Variants in MYO9A observed in about 807,000 individuals in gnomAD.
MYO9A encodes the protein myosin IXA.
MYO9A carries 103 observed loss-of-function variants against 293.3 expected under a neutral mutation model. The ratio of observed to expected loss-of-function variants is 0.35; its 90% CI spans 0.30 to 0.41. The LOEUF (loss-of-function observed/expected upper bound fraction) is 0.41, where lower values mean the gene tolerates loss of function less well. Among genes scored for constraint, MYO9A ranks in the 10% least tolerant of loss-of-function variants. The pLI is 1.00. For synonymous variants in MYO9A, 1,001 were observed against 1,035.7 expected (o/e 0.97, Z 0.64); for missense variants, 2,685 against 3,033.0 (o/e 0.89, Z 2.69).
At chr15:71,956,716 A>C (rs1327750357) in intron 14 of MYO9A, among the ~76,000 whole-genome samples, 1 of 149,908 alleles carries the variant, frequency 6.7e-6, no homozygotes, top group Non-Finnish European at 1.5e-5. Flanking sequence ...TGTGTGTAGC[A>C]TATGCATTAG....
Position 72,032,502 on chromosome 15 carries a change from A to T in MYO9A, c.927T>A (p.Thr309=). 1 of 1,599,488 alleles carries T rather than the reference A, an allele frequency of 6.3e-7. No homozygotes were observed. The highest frequency in any genetic ancestry group is 8.5e-7 in the Non-Finnish European group (1 of 1,172,412). ...TAAGTAGCAGTACTTACCCAAGTAC[A>T]GTGCCTGTTTCCTGGTAATTTACTT... is the stretch of plus-strand genomic sequence containing the variant. ...FIQVNYQETG[T]VLGAYVEKYL... Residue 309 remains threonine (T), a synonymous_variant, in exon 3 of 42, where the codon ACT becomes ACA. Coordinates refer to ENST00000356056, the MANE Select transcript of MYO9A (RefSeq NM_006901.4).
rs538566413 is a variant in MYO9A at position 72,092,942 on chromosome 15, C to G, written c.-72+24738G>C. ...ACACACACACACACACACACACACA[C>G]AGAGATTTGAGGCTCTAATTCCCAT... On this transcript the variant is annotated intron_variant, in intron 1 of 41. Transcript: ENST00000356056. Among the ~76,000 whole-genome samples the G allele has an allele frequency of 1.9e-3, 290 of 150,682 alleles. 1 individual carries two copies. Among genetic ancestry groups the G allele is most frequent in the Middle Eastern group, 6.8e-3 (2 of 292 alleles).
At chr15:72,080,199 G>A (rs944842001) in intron 1 of MYO9A, among the ~76,000 whole-genome samples, 1 of 151,804 alleles carries the variant, frequency 6.6e-6, no homozygotes, top group African/African-American at 2.4e-5. Flanking sequence ...AATACAGAAT[G>A]CAACAGTATC....
intron 1 of MYO9A, among the ~76,000 whole-genome samples, chr15:72,084,328 CCATTT>C (rs1334674846): frequency 2.0e-5 from 3 of 151,726 alleles, no homozygotes; most frequent in Non-Finnish European, 4.4e-5. Flanking sequence ...TTTTTGTTTT[CCATTT>C]ATTTGCTTGG....
intron 9 of MYO9A, among the ~76,000 whole-genome samples, chr15:71,998,631 G>C (rs1284626626): frequency 6.9e-6 from 1 of 145,630 alleles, no homozygotes; most frequent in Non-Finnish European, 1.5e-5. Flanking sequence ...ACAATGTGCA[G>C]GTTAGTTACA....
At chr15:71,979,988 A>G (rs930263669) in intron 11 of MYO9A, among the ~76,000 whole-genome samples, 2 of 152,146 alleles carry the variant, frequency 1.3e-5, no homozygotes, top group Non-Finnish European at 2.9e-5. Context: ...TTGTATCTGT[A>G]TACAATAACT....
intron 6 of MYO9A, among the ~76,000 whole-genome samples, chr15:72,012,980 T>C (rs1194083682): frequency 1.3e-5 from 2 of 152,218 alleles, no homozygotes; most frequent in Non-Finnish European, 2.9e-5. Flanking sequence ...AAATGTGTAT[T>C]AATTTCCTTC....
intron 15 of MYO9A, among the ~76,000 whole-genome samples, chr15:71,945,403 TA>T (rs369699290): frequency 1.4e-3 from 210 of 152,208 alleles, no homozygotes; most frequent in African/African-American, 4.4e-3. Context: ...ACAGAAATCG[TA>T]AAAGTGACAT....
chr15:71,976,041 C>A (rs1016290303), intron 12 of MYO9A, among the ~76,000 whole-genome samples: 1 of 152,074 alleles, frequency 6.6e-6, no homozygotes, highest in East Asian at 1.9e-4. Flanking sequence ...TCAAGGAGAA[C>A]CTGGTTGGTC....
rs2076111839 is a variant in MYO9A at position 71,975,334 on chromosome 15, C to T, written c.1844+2837G>A. On this transcript the variant is annotated intron_variant, in intron 12 of 41. Transcript: ENST00000356056. Reference sequence around the variant, plus strand: ...TGTGTGTGTGTGTGTAGGTTTTCGTCCATGGTTCCTGACTTATTAACTACC... The same window carrying T: ...TGTGTGTGTGTGTGTAGGTTTTCGTTCATGGTTCCTGACTTATTAACTACC... Among the ~76,000 whole-genome samples the T allele has an allele frequency of 2.2e-5, 3 of 138,060 alleles. No individual in the cohort carries two copies. The South Asian group carries it at 6.8e-4, about 31-fold the overall frequency. 90.6% of individuals were successfully genotyped at this position (138,060 alleles called of 152,430 possible). A position where few individuals can be genotyped will look rare whatever the true frequency, so the allele number is the denominator to read the frequency against.
At chr15:71,869,597 C>A (rs371033451) in intron 32 of MYO9A, among the ~76,000 whole-genome samples, 3 of 152,192 alleles carry the variant, frequency 2.0e-5, no homozygotes, top group East Asian at 3.9e-4. Flanking sequence ...TTAAGGGATA[C>A]GGTTTATTTG....
At chr15:71,830,550 T>C (rs1025852870) in intron 39 of MYO9A, among the ~76,000 whole-genome samples, 2 of 152,220 alleles carry the variant, frequency 1.3e-5, no homozygotes, top group African/African-American at 2.4e-5. Flanking sequence ...TAAGAACCCA[T>C]TGTGTACTGA....
At chr15:72,011,970 T>C (rs1420963738) in intron 6 of MYO9A, among the ~76,000 whole-genome samples, 2 of 152,236 alleles carry the variant, frequency 1.3e-5, no homozygotes, top group East Asian at 3.8e-4. Context: ...AATATTGAAT[T>C]GAATGAAACA....
At chr15:72,081,669 G>GA (rs71438546) in intron 1 of MYO9A, among the ~76,000 whole-genome samples, 2,071 of 152,238 alleles carry the variant, frequency 0.014, 23 homozygotes, top group East Asian at 0.025. Context: ...GGTTTTTACA[G>GA]TTTTAGGTTT....
intron 9 of MYO9A, 46 bp downstream of exon 9, chr15:71,999,805 C>T: frequency 6.6e-7 from 1 of 1,514,118 alleles, no homozygotes; most frequent in Non-Finnish European, 9.0e-7. Context: ...ACCTAAACTT[C>T]TAACAATGTC....
chr15:71,866,412 C>T (rs1028378521), intron 32 of MYO9A, among the ~76,000 whole-genome samples: 1 of 152,074 alleles, frequency 6.6e-6, no homozygotes, highest in Non-Finnish European at 1.5e-5. Flanking sequence ...TGCCTGTAGT[C>T]TGAGCTACTA....
chr15:72,014,035 G>A (rs1195932608), intron 6 of MYO9A, among the ~76,000 whole-genome samples: 1 of 152,132 alleles, frequency 6.6e-6, no homozygotes, highest in Non-Finnish European at 1.5e-5. Flanking sequence ...TTAAACTCTT[G>A]GGCTCAAGTG....
intron 6 of MYO9A, among the ~76,000 whole-genome samples, chr15:72,015,965 G>C (rs1028277986): frequency 1.3e-5 from 2 of 152,082 alleles, no homozygotes; most frequent in Admixed American, 1.3e-4. Context: ...TGGGATTACA[G>C]GTGTGAGCCA....
chr15:71,924,415 TG>T (rs1161311782), intron 18 of MYO9A, among the ~76,000 whole-genome samples: 2 of 151,970 alleles, frequency 1.3e-5, no homozygotes, highest in African/African-American at 2.4e-5. Context: ...CTAAATTTTT[TG>T]TATTTTTAAT....
Sources: gnomAD v4.1 joint callset for allele counts (sites outside exome capture counted in the v4.1 genomes callset) on GRCh38, gnomAD v4.1.1 for gene constraint, MANE v1.5 for transcripts, NCBI Gene and HGNC (gene_info 2026-07-23, HGNC 2026-07-21) for gene names.